The following RBFOX1 variants were observed in gnomAD, a reference collection of about 807,000 sequenced individuals.
RBFOX1 encodes the protein RNA binding protein fox-1 homolog 1.
In RBFOX1, 8 loss-of-function variants were observed where a neutral mutation model predicts 57.7. The observed-to-expected ratio is 0.14, with a 90% CI of 0.08 to 0.25. The LOEUF is 0.25. RBFOX1 is among the 10% of genes least tolerant of loss of function. The pLI, the probability that RBFOX1 is intolerant of heterozygous loss-of-function variation, is 1.00. For missense variants in RBFOX1, 611 were observed against 548.5 expected (o/e 1.11, Z -1.14); for synonymous variants, 326 against 222.4 (o/e 1.47, Z -4.15).
intron 3 of RBFOX1, among the ~76,000 whole-genome samples, chr16:6,789,609 C>G (rs773778219): frequency 1.3e-5 from 2 of 152,090 alleles, no homozygotes; most frequent in African/African-American, 2.4e-5. Flanking sequence ...AGTGCTGTGC[C>G]CATCTTTGCA....
intron 4 of RBFOX1, among the ~76,000 whole-genome samples, chr16:7,487,753 A>C (rs2065810573): frequency 6.6e-6 from 1 of 152,156 alleles, no homozygotes; most frequent in Non-Finnish European, 1.5e-5. Context: ...CAGCTTGTAA[A>C]AGTGCCTCCT....
intron 13 of RBFOX1, among the ~76,000 whole-genome samples, chr16:7,665,645 G>C (rs901791406): frequency 6.6e-6 from 1 of 152,118 alleles, no homozygotes; most frequent in African/African-American, 2.4e-5. Flanking sequence ...TGTTCATCTA[G>C]AGGTAGTTAT....
At chr16:5,884,193 C>T (rs912619088) in intron 4 of RBFOX1, among the ~76,000 whole-genome samples, 4 of 152,194 alleles carry the variant, frequency 2.6e-5, no homozygotes, top group Admixed American at 1.3e-4. Flanking sequence ...CTCAATTTTA[C>T]ATTTAAGCAG....
intron 3 of RBFOX1, among the ~76,000 whole-genome samples, chr16:6,964,725 C>G (rs1030038590): frequency 6.6e-6 from 1 of 152,158 alleles, no homozygotes; most frequent in Non-Finnish European, 1.5e-5. Flanking sequence ...AGGTAAGGTC[C>G]GGAAGCACTT....
chr16:5,363,653 A>G (rs146718616), intron 1 of RBFOX1, among the ~76,000 whole-genome samples: 4 of 151,976 alleles, frequency 2.6e-5, no homozygotes, highest in Non-Finnish European at 5.9e-5. Context: ...ATGAATCATG[A>G]CCCTTCTTGC....
At chr16:5,985,849 C>T (rs2060275466) in intron 4 of RBFOX1, among the ~76,000 whole-genome samples, 1 of 152,128 alleles carries the variant, frequency 6.6e-6, no homozygotes, top group South Asian at 2.1e-4. Flanking sequence ...TGCTCTACAA[C>T]CCAAGCAATA....
intron 2 of RBFOX1, among the ~76,000 whole-genome samples, chr16:5,567,310 C>G (rs2151121886): frequency 6.6e-6 from 1 of 152,284 alleles, no homozygotes; most frequent in Non-Finnish European, 1.5e-5. Flanking sequence ...TGTTGCAGCA[C>G]TTTGGTCAGG....
chr16:6,546,058 A>G (rs1028683143), intron 2 of RBFOX1, among the ~76,000 whole-genome samples: 6 of 152,362 alleles, frequency 3.9e-5, no homozygotes, highest in East Asian at 1.9e-4. Flanking sequence ...CTGATGAACT[A>G]TTAAAAAATC....
intron 2 of RBFOX1, among the ~76,000 whole-genome samples, chr16:6,516,774 A>G (rs140935655): frequency 1.3e-5 from 2 of 152,330 alleles, no homozygotes; most frequent in East Asian, 1.9e-4. Flanking sequence ...ATTAAAATGC[A>G]TATATAAACC....
rs569393534 is a variant in RBFOX1, at chr16:6,702,835, C to T, written c.-16+48185C>T. On this transcript the variant is annotated intron_variant, in intron 3 of 15. Coordinates refer to ENST00000550418, the MANE Select transcript of RBFOX1 (RefSeq NM_018723.4). ...AGAGTTCAGTGGCATTAAATACATT[C>T]ACATTGTTGTGCGACCATCACCACC... is the stretch of plus-strand genomic sequence containing the variant. 4.5e-4 allele frequency among the ~76,000 whole-genome samples: 69 copies of T among 152,284 alleles called. 1 individual carries two copies. Among genetic ancestry groups the T allele is most frequent in the African/African-American group, 1.5e-3 (64 of 41,562 alleles).
chr16:6,514,697 T>C (rs941453627), intron 2 of RBFOX1, among the ~76,000 whole-genome samples: 37 of 152,202 alleles, frequency 2.4e-4, no homozygotes, highest in African/African-American at 8.4e-4. Context: ...TGTTCAAGGA[T>C]CTACCCTCCT....
chr16:6,723,515 TTGTATG>T (rs1252494156), intron 3 of RBFOX1, among the ~76,000 whole-genome samples: 1 of 152,214 alleles, frequency 6.6e-6, no homozygotes, highest in African/African-American at 2.4e-5. Context: ...TAGATTGTGT[TTGTATG>T]TGCATAACAT....
At chr16:6,448,156 C>CTTTCTT (rs2094523593) in intron 2 of RBFOX1, among the ~76,000 whole-genome samples, 4 of 78,462 alleles carry the variant, frequency 5.1e-5, no homozygotes, top group African/African-American at 2.2e-4. Flanking sequence ...TCTTTTCTTT[C>CTTTCTT]TTTTTTTTTT....
At chr16:5,442,379 A>C (rs192587311) in intron 1 of RBFOX1, among the ~76,000 whole-genome samples, 5 of 152,360 alleles carry the variant, frequency 3.3e-5, no homozygotes, top group Admixed American at 6.5e-5. Flanking sequence ...GCTCTGGGAA[A>C]GTTGAAGGAC....
chr16:7,070,302 G>A (rs2057057768), intron 4 of RBFOX1, among the ~76,000 whole-genome samples: 1 of 152,116 alleles, frequency 6.6e-6, no homozygotes, highest in African/African-American at 2.4e-5. Flanking sequence ...TTATTTGCAG[G>A]TTGCTTTTAA....
chr16:5,935,057 A>G lies in RBFOX1; in HGVS notation c.351+67722A>G, dbSNP rs142967615. Among the ~76,000 whole-genome samples, 258 of 152,344 alleles carry G rather than the reference A, an allele frequency of 1.7e-3. 2 individuals carry two copies. The highest frequency in any genetic ancestry group is 6.1e-3 in the African/African-American group (254 of 41,584). ...TGATTAAACAAGTGTCTACACCCTC[A>G]GCTTTTAAGAGAATTCAGCTGCCTT... On this transcript the variant is annotated intron_variant, in intron 4 of 19. Coordinates refer to the RBFOX1 transcript ENST00000641259.
chr16:6,490,474 C>T (rs751213469), intron 2 of RBFOX1, among the ~76,000 whole-genome samples: 5 of 152,134 alleles, frequency 3.3e-5, no homozygotes, highest in Non-Finnish European at 7.4e-5. Flanking sequence ...GTCTGACAGG[C>T]GTCCATTTCA....
rs1192531289 is a variant in RBFOX1 at position 5,599,001 on chromosome 16, A to G, written c.358A>G (p.Thr120Ala). ...TTTGCTGAACAGATTAGATTTTGAA[A>G]CTACTTTTGCATCCTTTTCAGCCTC... Residue 120 changes from threonine (T) to alanine (A), a missense_variant, in exon 3 of 3, where the codon ACT becomes GCT. By Grantham distance (58) the Thr-to-Ala change is moderately conservative (BLOSUM62 0). Transcript: ENST00000585867. 5 of 1,471,352 alleles carry G rather than the reference A, an allele frequency of 3.4e-6. No individual in the cohort carries two copies. The Admixed American group carries it at 5.9e-5, about 17-fold the overall frequency. The allele number at this position is 1,471,352 out of a possible 1,614,324, so 91.1% of individuals were successfully genotyped here.
intron 4 of RBFOX1, among the ~76,000 whole-genome samples, chr16:7,309,186 A>G (rs939302890): frequency 1.1e-4 from 16 of 152,292 alleles, no homozygotes; most frequent in East Asian, 1.9e-4. Flanking sequence ...TGGTTAACCA[A>G]TCTTTCTTGT....
Sources: gnomAD v4.1 joint callset for allele counts (sites outside exome capture counted in the v4.1 genomes callset) on GRCh38, gnomAD v4.1.1 for gene constraint, MANE v1.5 for transcripts, NCBI Gene and HGNC (gene_info 2026-07-23, HGNC 2026-07-21) for gene names.